The following ZC3H12B variants were observed in gnomAD, a reference collection of about 807,000 sequenced individuals.
ZC3H12B encodes probable ribonuclease ZC3H12B.
Under a neutral mutation model 43.9 loss-of-function variants are expected in ZC3H12B, and 7 were observed. The ratio of observed to expected loss-of-function variants is 0.16; its 90% CI spans 0.09 to 0.30. The LOEUF (loss-of-function observed/expected upper bound fraction) is 0.30. ZC3H12B is among the 10% of genes least tolerant of loss of function. The pLI is 1.00. For synonymous variants in ZC3H12B, 222 were observed against 241.7 expected (o/e 0.92, Z 0.76); for missense variants, 475 against 670.2 (o/e 0.71, Z 3.22).
chrX:65,172,226 A>G, the ZC3H12B span, among the ~76,000 whole-genome samples: 6 of 112,506 alleles, frequency 5.3e-5, no homozygotes, highest in East Asian at 1.7e-3. Flanking sequence ...TGGCTACATA[A>G]ATGTTTTCTT....
intron 3 of ZC3H12B, among the ~76,000 whole-genome samples, chrX:65,457,547 G>A (rs371039291): frequency 1.2e-5 from 1 of 86,214 alleles, no homozygotes; most frequent in East Asian, 3.2e-4. Flanking sequence ...GCCCGGCCAC[G>A]ACCCCGTCTG....
chrX:65,055,098 G>C, the ZC3H12B span, among the ~76,000 whole-genome samples: 6 of 110,634 alleles, frequency 5.4e-5, no homozygotes, highest in South Asian at 3.9e-4. Context: ...GCCTGATTGC[G>C]CTGGCCAGAA....
At chrX:65,297,988 AAATC>A in the ZC3H12B span, among the ~76,000 whole-genome samples, 1 of 112,057 alleles carries the variant, frequency 8.9e-6, no homozygotes, top group African/African-American at 3.2e-5. Flanking sequence ...CCTTATATAA[AAATC>A]AACCCGAGAT....
intron 3 of ZC3H12B, among the ~76,000 whole-genome samples, chrX:65,461,735 G>T (rs779234175): frequency 4.8e-4 from 53 of 111,270 alleles, no homozygotes; most frequent in Non-Finnish European, 8.7e-4. Context: ...ATAGCATTAG[G>T]AGATATACCT....
intron 3 of ZC3H12B, among the ~76,000 whole-genome samples, chrX:65,457,072 T>C (rs2067630111): frequency 1.1e-5 from 1 of 87,123 alleles, no homozygotes; most frequent in Non-Finnish European, 2.2e-5. Flanking sequence ...GTCTGAGATG[T>C]GGGGAGCACC....
At chrX:65,151,238 C>A in the ZC3H12B span, among the ~76,000 whole-genome samples, 29 of 111,207 alleles carry the variant, frequency 2.6e-4, no homozygotes, top group African/African-American at 8.5e-4. Context: ...AATCACAAAC[C>A]AAGAAAAAAT....
rs749303464 is a variant in ZC3H12B, at chrX:65,379,344, C to A, written n.295+10346C>A. On this transcript the variant is annotated intron_variant and non_coding_transcript_variant, in intron 2 of 5. Transcript: ENST00000617377. ...ACTGGGAGACACCCCCCAGCAAGGG[C>A]AGACGGACACCTCACACGGCCGGGT... 8.1e-5 allele frequency among the ~76,000 whole-genome samples: 9 copies of A among 111,658 alleles called. No homozygotes were observed. In the South Asian group the frequency reaches 2.7e-3, roughly 33 times the overall value.
chrX:65,215,109 C>T, the ZC3H12B span, among the ~76,000 whole-genome samples: 1 of 111,689 alleles, frequency 9.0e-6, no homozygotes, highest in African/African-American at 3.3e-5. Flanking sequence ...ATCCAGGCTT[C>T]GTTTGTCCAT....
the ZC3H12B span, among the ~76,000 whole-genome samples, chrX:65,212,700 A>G: frequency 1.1e-5 from 1 of 91,528 alleles, no homozygotes; most frequent in Non-Finnish European, 2.1e-5. Context: ...ATAAATATAT[A>G]TGATTTATAT....
chrX:65,069,749 A>G, the ZC3H12B span, among the ~76,000 whole-genome samples: 1 of 111,991 alleles, frequency 8.9e-6, no homozygotes, highest in East Asian at 2.8e-4. Flanking sequence ...GATGAATTGC[A>G]CTAATTGATT....
At chrX:65,101,842 C>A in the ZC3H12B span, among the ~76,000 whole-genome samples, 1 of 112,094 alleles carries the variant, frequency 8.9e-6, no homozygotes, top group Admixed American at 9.4e-5. Context: ...GATACTATTC[C>A]AATCAATAGA....
chrX:65,465,479 C>A (rs968503030), intron 3 of ZC3H12B, among the ~76,000 whole-genome samples: 1 of 110,753 alleles, frequency 9.0e-6, no homozygotes, highest in African/African-American at 3.3e-5. Context: ...TTACTTCCAC[C>A]CTATTTGTGC....
At chrX:65,166,582 A>G in the ZC3H12B span, among the ~76,000 whole-genome samples, 38 of 111,861 alleles carry the variant, frequency 3.4e-4, no homozygotes, top group Admixed American at 6.7e-4. Context: ...GCTGGGTCAA[A>G]TGGTATTTCT....
chrX:65,412,548 A>G (rs1259699949), intron 3 of ZC3H12B, among the ~76,000 whole-genome samples: 1 of 111,482 alleles, frequency 9.0e-6, no homozygotes, highest in Non-Finnish European at 1.9e-5. Flanking sequence ...GCTCACTGCA[A>G]CCTTGACCTC....
intron 3 of ZC3H12B, among the ~76,000 whole-genome samples, chrX:65,480,839 T>G (rs2068054245): frequency 1.1e-5 from 1 of 86,977 alleles, no homozygotes; most frequent in South Asian, 4.6e-4. Context: ...ACAGTGAAAC[T>G]CTGACTCAAA....
intron 3 of ZC3H12B, among the ~76,000 whole-genome samples, chrX:65,460,955 A>C (rs1180143839): frequency 6.3e-5 from 7 of 111,803 alleles, no homozygotes; most frequent in Non-Finnish European, 1.3e-4. Flanking sequence ...TTCACAACCT[A>C]CTCATCTGAC....
the ZC3H12B span, among the ~76,000 whole-genome samples, chrX:65,204,266 GT>G: frequency 1.8e-5 from 2 of 112,033 alleles, no homozygotes; most frequent in Non-Finnish European, 3.8e-5. Context: ...TCAATTTTGT[GT>G]TCCTGATGGG....
chrX:65,443,257 G>A (rs2067328092), intron 3 of ZC3H12B, among the ~76,000 whole-genome samples: 1 of 110,967 alleles, frequency 9.0e-6, no homozygotes, highest in African/African-American at 3.3e-5. Flanking sequence ...GAGTACTCAG[G>A]TGTCCTCCTG....
chrX:65,129,244 T>TATATAC, the ZC3H12B span, among the ~76,000 whole-genome samples: 11,102 of 106,292 alleles, frequency 0.1, 1,508 homozygotes, highest in African/African-American at 0.36. Context: ...TATATATGTA[T>TATATAC]GTGTGTATAT....
Sources: allele counts gnomAD v4.1 joint callset (sites outside exome capture counted in the v4.1 genomes callset), GRCh38; gene constraint gnomAD v4.1.1; transcripts MANE v1.5; gene names NCBI Gene and HGNC (gene_info 2026-07-23, HGNC 2026-07-21).